MADCAM1: variants seen among roughly 807,000 people sequenced by gnomAD.
MADCAM1 encodes the protein mucosal vascular addressin cell adhesion molecule 1.
MADCAM1 carries 19 observed loss-of-function variants against 26.1 expected under a neutral mutation model. The ratio of observed to expected loss-of-function variants is 0.73; its 90% confidence interval spans 0.51 to 1.07. MADCAM1 has a LOEUF of 1.07. Ranked by LOEUF, MADCAM1 falls within the 50% of genes least tolerant of loss-of-function variation. The pLI is 0.00. For missense variants in MADCAM1, 514 were observed against 542.1 expected (o/e 0.95, Z 0.51); for synonymous variants, 268 against 260.9 (o/e 1.03, Z -0.26).
intron 3 of MADCAM1, 68 bp from the exon 4 acceptor site, chr19:501,601 G>A (rs1978329845): frequency 7.3e-6 from 11 of 1,516,270 alleles, no homozygotes; most frequent in Admixed American, 4.2e-5. Flanking sequence ...TCCAGATGCG[G>A]AGATTGAGGC....
Position 496,523 on chromosome 19 carries a change from G to C in MADCAM1, c.24G>C (p.Leu8=). 1 of 1,308,350 alleles carries C rather than the reference G, an allele frequency of 7.6e-7. No homozygotes were observed. Among genetic ancestry groups the C allele is most frequent in the Admixed American group, 3.1e-5 (1 of 32,206 alleles). 81.0% of individuals were successfully genotyped at this position (1,308,350 alleles called of 1,614,324 possible). Residue 8 remains leucine, a synonymous_variant, in exon 1 of 5, where the codon CTG becomes CTC. Transcript: ENST00000215637. MDFGLAL[L]LAGLLGLLLG... is the part of the protein sequence containing the mutation. The stretch of plus-strand genomic sequence containing the variant: ...GCATGGATTTCGGACTGGCCCTCCT[G>C]CTGGCGGGGCTTCTGGGGCTCCTCC...
In MADCAM1 at chr19:504,805, GACT is replaced by G; in HGVS notation, c.990_992del (p.Leu334del). The G allele has an allele frequency of 6.2e-7, 1 of 1,613,018 alleles. No individual in the cohort carries two copies. The highest frequency in any genetic ancestry group is 8.5e-7 in the Non-Finnish European group (1 of 1,179,964). On this transcript the variant is annotated inframe_deletion, in exon 5 of 5. Transcript: ENST00000215637. ...CTGTGGACCAGCAGTGCGGTGCTGG[GACT>G]GCTGCTCCTGGCCTTGCCCACCTAT...
chr19:500,112 G>A (rs201059076), intron 3 of MADCAM1: 4 of 456,060 alleles, frequency 8.8e-6, no homozygotes, highest in Non-Finnish European at 1.8e-5. Context: ...AGAAGGCCAG[G>A]GCAGAAAGCC....
rs531536543 is a variant in MADCAM1 at position 496,489 on chromosome 19, G to A, written c.-11G>A. 9.2e-6 allele frequency: 12 copies of A among 1,310,618 alleles called. No homozygotes were observed. In the Admixed American group the frequency reaches 1.2e-4, roughly 14 times the overall value. The allele number at this position is 1,310,618 out of a possible 1,614,324, so 81.2% of individuals were successfully genotyped here. ...GGCTTCCCCGCGGCCTCGGGACAGA[G>A]GGGACTGAGCATGGATTTCGGACTG... On this transcript the variant is annotated 5_prime_UTR_variant, in exon 1 of 5. Coordinates refer to ENST00000215637, the MANE Select transcript of MADCAM1 (RefSeq NM_130760.3).
At chr19:503,535 C>G (rs111621946) in intron 4 of MADCAM1, among the ~76,000 whole-genome samples, 2 of 148,184 alleles carry the variant, frequency 1.3e-5, no homozygotes, top group South Asian at 2.1e-4. Context: ...GAGCCGAGAT[C>G]GCGCCACTGC....
rs1391184533 is a variant in MADCAM1, at chr19:501,809, C to G, written c.808C>G (p.Pro270Ala). Residue 270 changes from proline (P) to alanine (A), a missense_variant, in exon 4 of 5, where the codon CCG (proline) becomes GCG (alanine). Physicochemically the swap from Pro to Ala is conservative, Grantham distance 27. Around this residue, in one of 3 missense-constraint regions of MADCAM1, gnomAD observed 45 missense variants for 91.8 expected, o/e 0.49. Coordinates refer to ENST00000215637, the MANE Select transcript of MADCAM1 (RefSeq NM_130760.3). Reference protein sequence around the residue: ...TSPEPPDKTSPEPAPQQGSTH... With the variant: ...TSPEPPDKTSAEPAPQQGSTH... ...CCCGGAGCCTCCCGACAAGACCTCC[C>G]CGGAGCCCGCCCCCCAGCAGGGCTC... 1 of 1,561,782 alleles carries G rather than the reference C, an allele frequency of 6.4e-7. No individual in the cohort carries two copies. Among genetic ancestry groups the G allele is most frequent in the East Asian group, 2.4e-5 (1 of 41,214 alleles).
At chr19:503,994 G>A (rs191323427) in intron 4 of MADCAM1, among the ~76,000 whole-genome samples, 106 of 151,642 alleles carry the variant, frequency 7.0e-4, no homozygotes, top group Non-Finnish European at 4.4e-5. Context: ...GGCGGAAGTG[G>A]CAGTGAGCTA....
In MADCAM1 at chr19:499,491, C is replaced by T. The variant is rs1003017659; in HGVS notation, c.667+666C>T. On this transcript the variant is annotated intron_variant, in intron 3 of 4. Transcript: ENST00000215637. Reference sequence around the variant, plus strand: ...GTACAAACAGGCACACAAGCACACACGGGAACAAACGCACACACCCACACG... The same window carrying T: ...GTACAAACAGGCACACAAGCACACATGGGAACAAACGCACACACCCACACG... Among the ~76,000 whole-genome samples the T allele has an allele frequency of 2.0e-5, 3 of 152,150 alleles. No individual in the cohort carries two copies. In the East Asian group the frequency reaches 5.8e-4, roughly 29 times the overall value.
chr19:502,644 A>G (rs1195786052), intron 4 of MADCAM1, among the ~76,000 whole-genome samples: 1 of 152,168 alleles, frequency 6.6e-6, no homozygotes, highest in African/African-American at 2.4e-5. Flanking sequence ...AGTGCCACAA[A>G]GAAATAGCAC....
At position 505,317 on chromosome 19, in the gene MADCAM1, T is replaced by C. The variant is rs1316439457; in HGVS notation, c.*352T>C. ...CCTGTCGTCAGGACCTCCTGAGGCT[T>C]TGGCAAATAAACCTCCTAAAATGAT... On this transcript the variant is annotated 3_prime_UTR_variant, in exon 5 of 5. Coordinates refer to ENST00000215637, the MANE Select transcript of MADCAM1 (RefSeq NM_130760.3). 1.7e-5 allele frequency: 4 copies of C among 233,984 alleles called. No homozygotes were observed. The highest frequency in any genetic ancestry group is 8.3e-5 in the East Asian group (1 of 11,980). 14.5% of individuals were successfully genotyped at this position (233,984 alleles called of 1,614,324 possible). A position where few individuals can be genotyped will look rare whatever the true frequency, so the allele number is the denominator to read the frequency against.
At chr19:501,257 G>A (rs1978322533) in intron 3 of MADCAM1, among the ~76,000 whole-genome samples, 1 of 151,372 alleles carries the variant, frequency 6.6e-6, no homozygotes. Context: ...AGGCCGAGGT[G>A]GGTAGATCAC....
chr19:503,523 G>A (rs1978458538), intron 4 of MADCAM1, among the ~76,000 whole-genome samples: 1 of 147,116 alleles, frequency 6.8e-6, no homozygotes. Flanking sequence ...GGAGCCTGCA[G>A]TGAGCCGAGA....
At chr19:500,053 G>C (rs778717426) in intron 3 of MADCAM1, 1 of 455,176 alleles carries the variant, frequency 2.2e-6, no homozygotes, top group Non-Finnish European at 4.4e-6. Flanking sequence ...TACAGAACAC[G>C]GGCCCTCACG....
chr19:497,761 C>A, intron 1 of MADCAM1, 72 bp from the exon 2 acceptor site: 4 of 1,091,836 alleles, frequency 3.7e-6, no homozygotes, highest in Non-Finnish European at 4.5e-6. Flanking sequence ...GGGGGTGGAG[C>A]GGGACGCAGG....
In MADCAM1 at chr19:504,589, A is replaced by G. The variant is rs184502746; in HGVS notation, c.929-156A>G. 9.2e-5 allele frequency among the ~76,000 whole-genome samples: 14 copies of G among 152,240 alleles called. No individual in the cohort carries two copies. In the East Asian group the frequency reaches 2.7e-3, roughly 29 times the overall value. On this transcript the variant is annotated intron_variant, in intron 4 of 4. Transcript: ENST00000215637. Reference sequence around the variant, plus strand: ...GCCCATTTCTAAACTCTAAGGTGCTATGCGCATTTCAAAAGGGTCATGGTA... The same window carrying G: ...GCCCATTTCTAAACTCTAAGGTGCTGTGCGCATTTCAAAAGGGTCATGGTA...
chr19:497,646 G>A (rs1022188457), intron 1 of MADCAM1, among the ~76,000 whole-genome samples, 187 bp from the exon 2 acceptor site: 1 of 151,848 alleles, frequency 6.6e-6, no homozygotes, highest in African/African-American at 2.4e-5. Flanking sequence ...GGCGGCGGTC[G>A]GGGCGGGGTT....
Position 497,943 on chromosome 19 carries a change from G to C in MADCAM1, c.163G>C (p.Gly55Arg). The change falls in exon 2 of 5, where the codon GGG (glycine) becomes CGG (arginine). Residue 55 changes from glycine to arginine, a missense_variant. By Grantham distance (125) the Gly-to-Arg change is moderately radical (BLOSUM62 -2). Transcript: ENST00000215637. The stretch of plus-strand genomic sequence containing the variant: ...CTGCCGCCTGGCCTGCGCGGACCGC[G>C]GGGCCTCGGTGCAGTGGCGGGGCCT... ...LTCRLACADR[G>R]ASVQWRGLDT... 3 of 1,430,816 alleles carry C rather than the reference G, an allele frequency of 2.1e-6. No individual in the cohort carries two copies. Among genetic ancestry groups the C allele is most frequent in the Non-Finnish European group, 9.1e-7 (1 of 1,098,688 alleles). 88.6% of individuals were successfully genotyped at this position (1,430,816 alleles called of 1,614,324 possible).
intron 4 of MADCAM1, among the ~76,000 whole-genome samples, chr19:503,320 G>A (rs1223829140): frequency 2.0e-4 from 29 of 147,882 alleles, no homozygotes; most frequent in East Asian, 4.1e-4. Flanking sequence ...GGTGGCTTAT[G>A]CCTGTAATCC....
In MADCAM1 at chr19:498,599, C is replaced by G; in HGVS notation, c.441C>G (p.Leu147=). The change falls in exon 3 of 5, where the codon CTC becomes CTG. Residue 147 remains leucine (L), a synonymous_variant. Coordinates refer to ENST00000215637, the MANE Select transcript of MADCAM1 (RefSeq NM_130760.3). ...TCACGCCCGTGGACCCCAACGCGCT[C>G]TCCTTCTCCCTGCTCGTCGGGGGCC... The part of the protein sequence containing the change: ...HKVTPVDPNA[L]SFSLLVGGQE... The G allele has an allele frequency of 6.7e-7, 1 of 1,483,006 alleles. No individual in the cohort carries two copies. The highest frequency in any genetic ancestry group is 8.9e-7 in the Non-Finnish European group (1 of 1,121,138). The allele number at this position is 1,483,006 out of a possible 1,614,324, so 91.9% of individuals were successfully genotyped here. A position where few individuals can be genotyped will look rare whatever the true frequency, so the allele number is the denominator to read the frequency against.
Sources: allele counts gnomAD v4.1 joint callset (sites outside exome capture counted in the v4.1 genomes callset), GRCh38; gene constraint gnomAD v4.1.1; regional missense constraint gnomAD v4.1.1; transcripts MANE v1.5; gene names NCBI Gene and HGNC (gene_info 2026-07-23, HGNC 2026-07-21).